Variants in ZNF26 observed in about 807,000 individuals in gnomAD.
ZNF26 encodes the protein epididymis luminal protein 179.
In ZNF26, 32 loss-of-function variants were observed where a neutral mutation model predicts 54.9. The ratio of observed to expected loss-of-function variants is 0.58; its 90% CI spans 0.44 to 0.78. The LOEUF is 0.78. Ranked by LOEUF, ZNF26 falls within the 30% of genes least tolerant of loss-of-function variation. The pLI is 0.00. For missense variants in ZNF26, 524 were observed against 634.0 expected (o/e 0.83, Z 1.86); for synonymous variants, 221 against 209.2 (o/e 1.06, Z -0.49).
intron 1 of ZNF26, among the ~76,000 whole-genome samples, chr12:133,000,926 T>C (rs1365659668): frequency 6.6e-6 from 1 of 152,082 alleles, no homozygotes; most frequent in East Asian, 1.9e-4. Context: ...ATAAGCCTCC[T>C]GGTCTACCCG....
At position 132,986,473 on chromosome 12, in the gene ZNF26, G is replaced by C. The variant is rs2137199209; in HGVS notation, c.-368G>C. The stretch of plus-strand genomic sequence containing the variant: ...ACCTGGCTGAGTCTCTGTGGCCGCG[G>C]AGGCGCGGAGCTAAGCGGCTCGGAT... On this transcript the variant is annotated 5_prime_UTR_variant, in exon 1 of 4. Coordinates refer to ENST00000328654, the MANE Select transcript of ZNF26 (RefSeq NM_019591.4). 1.1e-5 allele frequency: 3 copies of C among 263,786 alleles called. No homozygotes were observed. The East Asian group carries it at 2.2e-4, about 20-fold the overall frequency. 16.3% of individuals were successfully genotyped at this position (263,786 alleles called of 1,614,324 possible). A position where few individuals can be genotyped will look rare whatever the true frequency, so the allele number is the denominator to read the frequency against.
Position 133,011,197 on chromosome 12 carries a change from C to A in ZNF26, c.1318C>A (p.Gln440Lys). 1 of 1,614,138 alleles carries A rather than the reference C, an allele frequency of 6.2e-7. No homozygotes were observed. The highest frequency in any genetic ancestry group is 8.5e-7 in the Non-Finnish European group (1 of 1,180,030). ...LCERAFCGKS[Q>K]LIIHQRTHST... ...TGAGAGAGCCTTTTGTGGAAAATCA[C>A]AGCTGATTATACATCAGAGAACTCA... The change falls in exon 4 of 4, where the codon CAG (glutamine) becomes AAG (lysine). Residue 440 changes from glutamine (Q) to lysine (K), a missense_variant. By Grantham distance (53) the Gln-to-Lys change is moderately conservative. Coordinates refer to ENST00000328654, the MANE Select transcript of ZNF26 (RefSeq NM_019591.4).
At chr12:133,000,725 A>C (rs1228291497) in intron 1 of ZNF26, among the ~76,000 whole-genome samples, 1 of 151,446 alleles carries the variant, frequency 6.6e-6, no homozygotes, top group Admixed American at 6.6e-5. Context: ...TGCCCGGCCT[A>C]ATTTTTGTAT....
chr12:133,008,086 C>G (rs1191192802), intron 3 of ZNF26, among the ~76,000 whole-genome samples: 1 of 152,054 alleles, frequency 6.6e-6, no homozygotes, highest in Non-Finnish European at 1.5e-5. Flanking sequence ...AAGGCTCTTC[C>G]GTTCCGAAGG....
chr12:132,989,056 T>TG (rs1403254634), intron 1 of ZNF26, among the ~76,000 whole-genome samples: 1 of 143,110 alleles, frequency 7.0e-6, no homozygotes, highest in Admixed American at 7.0e-5. Context: ...TTTTTTTTTT[T>TG]GAGACAGAGT....
At position 133,014,554 on chromosome 12, in the gene ZNF26, T is replaced by G. The variant is rs7136591; in HGVS notation, c.*3073T>G. The G allele has an allele frequency of 0.2, 29,523 of 145,978 alleles. 3,630 individuals are homozygous for G. Among genetic ancestry groups the G allele is most frequent in the African/African-American group, 0.38 (13,751 of 36,362 alleles). The allele number at this position is 145,978 out of a possible 1,614,324, so 9.0% of individuals were successfully genotyped here. A position where few individuals can be genotyped will look rare whatever the true frequency, so the allele number is the denominator to read the frequency against. On this transcript the variant is annotated 3_prime_UTR_variant, in exon 4 of 4. Coordinates refer to ENST00000328654, the MANE Select transcript of ZNF26 (RefSeq NM_019591.4). Reference sequence around the variant, plus strand: ...TTTTTTTTTTGTTTTGTTTTGTTTTTTTTTTTTTTTGAGACGGAGTCTTGT... The same window carrying G: ...TTTTTTTTTTGTTTTGTTTTGTTTTGTTTTTTTTTTGAGACGGAGTCTTGT...
In ZNF26 at chr12:133,024,456, G is replaced by A. The variant is rs1293421010; in HGVS notation, c.*12975G>A. ...TAGAGCTAAGTGTTTTCTAGACCCA[G>A]TGTTCAGGATGCTACCTGGCTCCTC... On this transcript the variant is annotated 3_prime_UTR_variant, in exon 4 of 4. Transcript: ENST00000328654. 1 of 152,152 alleles carries A rather than the reference G, an allele frequency of 6.6e-6. No homozygotes were observed. Among genetic ancestry groups the A allele is most frequent in the Admixed American group, 6.6e-5 (1 of 15,262 alleles). The allele number at this position is 152,152 out of a possible 1,614,324, so 9.4% of individuals were successfully genotyped here.
Position 133,016,023 on chromosome 12 carries a change from G to C in ZNF26, c.*4542G>C, listed in dbSNP as rs1255176593. The C allele has an allele frequency of 3.3e-5, 5 of 151,476 alleles. No individual in the cohort carries two copies. The highest frequency in any genetic ancestry group is 5.9e-5 in the Non-Finnish European group (4 of 67,954). The allele number at this position is 151,476 out of a possible 1,614,324, so 9.4% of individuals were successfully genotyped here. A position where few individuals can be genotyped will look rare whatever the true frequency, so the allele number is the denominator to read the frequency against. The stretch of plus-strand genomic sequence containing the variant: ...AGAAGGAAGTGGCTTTTGGTTTTGT[G>C]AGTGTCTTGAAGATCTAAGGTTTAT... On this transcript the variant is annotated 3_prime_UTR_variant, in exon 4 of 4. Coordinates refer to ENST00000328654, the MANE Select transcript of ZNF26 (RefSeq NM_019591.4).
At chr12:133,006,982 A>G (rs1376484289) in intron 1 of ZNF26, 60 bp from the exon 2 acceptor site, 1 of 1,596,906 alleles carries the variant, frequency 6.3e-7, no homozygotes, top group East Asian at 2.2e-5. Flanking sequence ...GTTCCTCTGC[A>G]TCTTTTCCAT....
At chr12:132,992,637 G>T (rs925486462) in intron 1 of ZNF26, among the ~76,000 whole-genome samples, 7 of 152,116 alleles carry the variant, frequency 4.6e-5, no homozygotes, top group African/African-American at 1.7e-4. Flanking sequence ...GTGCATTTTC[G>T]ACTTACAATA....
chr12:132,999,909 A>G (rs1437134290), intron 1 of ZNF26, among the ~76,000 whole-genome samples: 4 of 152,030 alleles, frequency 2.6e-5, no homozygotes, highest in Non-Finnish European at 5.9e-5. Context: ...ACCTCAAATG[A>G]TCTGCCCACC....
intron 1 of ZNF26, chr12:132,987,690 A>G: frequency 1.0e-6 from 1 of 985,422 alleles, no homozygotes; most frequent in Non-Finnish European, 1.2e-6. Flanking sequence ...GGAGGTCTAA[A>G]CTGGAAATAC....
intron 1 of ZNF26, among the ~76,000 whole-genome samples, chr12:133,002,249 C>T (rs892662151): frequency 4.6e-5 from 7 of 152,132 alleles, no homozygotes; most frequent in Non-Finnish European, 8.8e-5. Context: ...TGTCTCTCAG[C>T]GTGCCATGCT....
rs1419222462 is a variant in ZNF26, at chr12:133,014,829, A to C, written c.*3348A>C. The C allele has an allele frequency of 6.6e-6, 1 of 151,376 alleles. No individual in the cohort carries two copies. The highest frequency in any genetic ancestry group is 6.6e-5 in the Admixed American group (1 of 15,182). The allele number at this position is 151,376 out of a possible 1,614,324, so 9.4% of individuals were successfully genotyped here. A position where few individuals can be genotyped will look rare whatever the true frequency, so the allele number is the denominator to read the frequency against. On this transcript the variant is annotated 3_prime_UTR_variant, in exon 4 of 4. Transcript: ENST00000328654. ...CCGAAGTGCCGGGATTACAGGCGTGAGCCACCATGCCTGACCATGATGATG... is the reference window on the plus strand; with the variant it reads ...CCGAAGTGCCGGGATTACAGGCGTGCGCCACCATGCCTGACCATGATGATG...
Position 133,001,699 on chromosome 12 carries a change from C to T in ZNF26, c.34-5343C>T. Reference sequence around the variant, plus strand: ...CAAGTTCGGGAATCTTCTGGGTGTTCCTTGGGCCCAGGGAAACAGTGCCCT... The same window carrying T: ...CAAGTTCGGGAATCTTCTGGGTGTTTCTTGGGCCCAGGGAAACAGTGCCCT... On this transcript the variant is annotated intron_variant, in intron 1 of 3. Transcript: ENST00000328654. This position sits in a 1 kb window ranked among gnomAD's most constrained non-coding sequence, Gnocchi z 4.7. 2.3e-6 allele frequency: 3 copies of T among 1,289,130 alleles called. No individual in the cohort carries two copies. Among genetic ancestry groups the T allele is most frequent in the Middle Eastern group, 4.3e-4 (2 of 4,674 alleles). The allele number at this position is 1,289,130 out of a possible 1,614,324, so 79.9% of individuals were successfully genotyped here. A position where few individuals can be genotyped will look rare whatever the true frequency, so the allele number is the denominator to read the frequency against.
chr12:133,016,418 T>TTC lies in ZNF26; in HGVS notation c.*4938_*4939insCT, dbSNP rs1249104629. On this transcript the variant is annotated 3_prime_UTR_variant, in exon 4 of 4. Transcript: ENST00000328654. ...AAACAATTTAGCTACTTTTTTTTTT[T>TTC]TTTTTTAACTATTTTAAGAGCATCA... The TTC allele has an allele frequency of 1.3e-5, 2 of 150,398 alleles. No homozygotes were observed. Among genetic ancestry groups the TTC allele is most frequent in the East Asian group, 3.9e-4 (2 of 5,136 alleles). The allele number at this position is 150,398 out of a possible 1,614,324, so 9.3% of individuals were successfully genotyped here. A position where few individuals can be genotyped will look rare whatever the true frequency, so the allele number is the denominator to read the frequency against.
In ZNF26 at chr12:133,001,828, G is replaced by C. The variant is rs1045248066; in HGVS notation, c.34-5214G>C. 168 of 546,606 alleles carry C rather than the reference G, an allele frequency of 3.1e-4. No individual in the cohort carries two copies. In the Middle Eastern group the frequency reaches 3.5e-3, roughly 11 times the overall value. The allele number at this position is 546,606 out of a possible 1,614,324, so 33.9% of individuals were successfully genotyped here. ...AGTCCCGCGGCAGTCTTTGCCTTCA[G>C]AATTTTTCAGAGGAAAGCAGTTATT... On this transcript the variant is annotated intron_variant, in intron 1 of 3. Coordinates refer to ENST00000328654, the MANE Select transcript of ZNF26 (RefSeq NM_019591.4). This position sits in a 1 kb window ranked among gnomAD's most constrained non-coding sequence, Gnocchi z 4.7.
Position 133,018,816 on chromosome 12 carries a change from C to T in ZNF26, c.*7335C>T, listed in dbSNP as rs1464816696. On this transcript the variant is annotated 3_prime_UTR_variant, in exon 4 of 4. Coordinates refer to ENST00000328654, the MANE Select transcript of ZNF26 (RefSeq NM_019591.4). ...TATTTATAGAGATGGAGGTATCAAACTCCAGGGCTCAAGCAATCCTCCCAT... is the reference window on the plus strand; with the variant it reads ...TATTTATAGAGATGGAGGTATCAAATTCCAGGGCTCAAGCAATCCTCCCAT... The T allele has an allele frequency of 6.6e-6, 1 of 152,010 alleles. No individual in the cohort carries two copies. The highest frequency in any genetic ancestry group is 1.5e-5 in the Non-Finnish European group (1 of 68,020). The allele number at this position is 152,010 out of a possible 1,614,324, so 9.4% of individuals were successfully genotyped here.
intron 1 of ZNF26, among the ~76,000 whole-genome samples, chr12:132,997,355 A>T (rs1479803496): frequency 6.6e-6 from 1 of 152,064 alleles, no homozygotes; most frequent in Non-Finnish European, 1.5e-5. Flanking sequence ...GGAGTCCAGA[A>T]CAGGGGTTAA....
Sources: allele counts gnomAD v4.1 joint callset (sites outside exome capture counted in the v4.1 genomes callset), GRCh38; gene constraint gnomAD v4.1.1; non-coding constraint Gnocchi (gnomAD v3.1); transcripts MANE v1.5; gene names NCBI Gene and HGNC (gene_info 2026-07-23, HGNC 2026-07-21).